The following ORC1 variants were observed in gnomAD, a reference collection of about 807,000 sequenced individuals.
ORC1 encodes origin recognition complex subunit 1.
ORC1 carries 61 observed loss-of-function variants against 98.9 expected under a neutral mutation model. The ratio of observed to expected loss-of-function variants is 0.62; its 90% CI spans 0.50 to 0.76. The LOEUF is 0.76. ORC1 is among the 30% of genes least tolerant of loss of function. The pLI is 0.00. For synonymous variants in ORC1, 385 were observed against 406.9 expected (o/e 0.95, Z 0.65); for missense variants, 979 against 1,072.2 (o/e 0.91, Z 1.21).
upstream of ORC1, among the ~76,000 whole-genome samples, chr1:52,406,690 C>T (rs558876578): frequency 2.6e-5 from 4 of 152,290 alleles, no homozygotes; most frequent in South Asian, 4.1e-4. Context: ...TACCGATTCT[C>T]GAGGAAATCA....
upstream of ORC1, chr1:52,404,926 T>G: frequency 1.2e-6 from 2 of 1,603,996 alleles, no homozygotes; most frequent in Non-Finnish European, 1.7e-6. Flanking sequence ...TGTGGCCCAT[T>G]TCTCCTGACC....
chr1:52,384,469 C>A, intron 11 of ORC1, 81 bp downstream of exon 11: 2 of 1,298,076 alleles, frequency 1.5e-6, no homozygotes, highest in South Asian at 1.2e-5. Flanking sequence ...ATGCAATACA[C>A]GCAAAATTAA....
chr1:52,392,705 T>A (rs543228998), intron 6 of ORC1, among the ~76,000 whole-genome samples: 1 of 152,160 alleles, frequency 6.6e-6, no homozygotes, highest in Non-Finnish European at 1.5e-5. Flanking sequence ...GTGGTACATA[T>A]TTACCATGGA....
At chr1:52,385,484 C>T (rs908131355) in intron 9 of ORC1, among the ~76,000 whole-genome samples, 17 of 152,118 alleles carry the variant, frequency 1.1e-4, no homozygotes, top group African/African-American at 3.6e-4. Flanking sequence ...GACCTCATCC[C>T]ACAGGAGATT....
chr1:52,408,938 T>G, upstream of ORC1: 1 of 354,774 alleles, frequency 2.8e-6, no homozygotes, highest in Non-Finnish European at 5.2e-6. Context: ...ATCCCTGCCT[T>G]GCATCATATG....
At chr1:52,394,249 T>C (rs146001961) in intron 5 of ORC1, among the ~76,000 whole-genome samples, 2 of 152,238 alleles carry the variant, frequency 1.3e-5, no homozygotes, top group East Asian at 1.9e-4. Context: ...AGAAGTGGGG[T>C]TCCTGGGGAC....
chr1:52,378,577 T>C (rs1399535231), intron 14 of ORC1, among the ~76,000 whole-genome samples: 4 of 150,896 alleles, frequency 2.7e-5, no homozygotes, highest in African/African-American at 9.8e-5. Context: ...GGCAGGAGAA[T>C]TGCTTGAACC....
rs202092571 is a variant in ORC1, at chr1:52,375,514, G to A, written c.2219C>T (p.Pro740Leu). Residue 740 changes from proline to leucine, a missense_variant, in exon 15 of 17, where the codon CCT becomes CTT. Physicochemically the swap from Pro to Leu is moderately conservative, Grantham distance 98. Coordinates refer to ENST00000371568, the MANE Select transcript of ORC1 (RefSeq NM_004153.4). ...TEICEFSQQK[P>L]DSPGLVTIAH... ...TATGGTGACCAGGCCAGGGGAGTCA[G>A]GCTTCTGCTGGGAGAACTCACAGAT... 4.3e-6 allele frequency: 7 copies of A among 1,614,116 alleles called. No homozygotes were observed. The highest frequency in any genetic ancestry group is 1.1e-5 in the South Asian group (1 of 91,074).
At chr1:52,379,770 T>C (rs1016000939) in intron 14 of ORC1, among the ~76,000 whole-genome samples, 2 of 151,540 alleles carry the variant, frequency 1.3e-5, no homozygotes, top group Non-Finnish European at 2.9e-5. Context: ...CTGTCTCTAC[T>C]AAAAATACAA....
chr1:52,390,565 C>T lies in ORC1; in HGVS notation c.1083-1244G>A, dbSNP rs1224688791. Among the ~76,000 whole-genome samples, 8 of 151,584 alleles carry T rather than the reference C, an allele frequency of 5.3e-5. 1 individual carries two copies. In the South Asian group the frequency reaches 1.5e-3, roughly 28 times the overall value. On this transcript the variant is annotated intron_variant, in intron 6 of 16. Transcript: ENST00000371568. ...TAATCCCAGCACTTTGGGAGGCCGA[C>T]GTGGGTGGACCACCTAAGGTCTGGA...
chr1:52,401,240 T>C, intron 3 of ORC1, 122 bp downstream of exon 3: 1 of 1,260,278 alleles, frequency 7.9e-7, no homozygotes, highest in South Asian at 1.2e-5. Flanking sequence ...AGCTAGTTCT[T>C]ACGTGATCCC....
In ORC1 at chr1:52,378,321, G is replaced by C. The variant is rs561634198; in HGVS notation, c.2134-2722C>G. Among the ~76,000 whole-genome samples the C allele has an allele frequency of 3.9e-4, 59 of 150,634 alleles. 1 individual carries two copies. The South Asian group carries it at 0.012, about 30-fold the overall frequency. ...GATCGTGCCACTGCACTCCAGCCTG[G>C]GCAACAGAGTGAGACTCCCTCTCAA... On this transcript the variant is annotated intron_variant, in intron 14 of 16. Transcript: ENST00000371568.
intron 14 of ORC1, among the ~76,000 whole-genome samples, chr1:52,377,927 G>A (rs1280417020): frequency 6.6e-6 from 1 of 152,080 alleles, no homozygotes; most frequent in Non-Finnish European, 1.5e-5. Context: ...ATAACTATAG[G>A]ATATAGAATA....
intron 3 of ORC1, among the ~76,000 whole-genome samples, chr1:52,399,738 G>T (rs920455299): frequency 4.0e-5 from 6 of 151,726 alleles, no homozygotes; most frequent in Non-Finnish European, 5.9e-5. Context: ...AACCCAGGAG[G>T]TTGAGGCTGC....
intron 6 of ORC1, among the ~76,000 whole-genome samples, chr1:52,390,795 G>A (rs1469488613): frequency 6.6e-6 from 1 of 151,924 alleles, no homozygotes; most frequent in Non-Finnish European, 1.5e-5. Context: ...GGGAGGCTGA[G>A]GCAGGAGAAT....
chr1:52,407,284 G>C, upstream of ORC1, among the ~76,000 whole-genome samples: 1 of 152,214 alleles, frequency 6.6e-6, no homozygotes, highest in East Asian at 1.9e-4. Flanking sequence ...CCAAAGTGCT[G>C]GGATTAGAGG....
Position 52,387,962 on chromosome 1 carries a change from C to T in ORC1, c.1383+480G>A, listed in dbSNP as rs979571198. ...ATCTGAATACCTTTTCAGTGTTCTG[C>T]TAAAGTTCCACAGGAAGCAGAAAAG... On this transcript the variant is annotated intron_variant, in intron 8 of 16. Transcript: ENST00000371568. Among the ~76,000 whole-genome samples, 9 of 152,216 alleles carry T rather than the reference C, an allele frequency of 5.9e-5. No homozygotes were observed. In the East Asian group the frequency reaches 1.5e-3, roughly 26 times the overall value.
At chr1:52,404,872 A>C (rs200651968), upstream of ORC1, 45 of 1,613,726 alleles carry the variant, frequency 2.8e-5, no homozygotes, top group Admixed American at 5.0e-5. Context: ...AGTGCTTTGG[A>C]CTTACAGGTA....
intron 13 of ORC1, 107 bp from the exon 14 acceptor site, chr1:52,381,868 C>T: frequency 1.8e-6 from 2 of 1,091,108 alleles, no homozygotes; most frequent in Non-Finnish European, 2.8e-6. Flanking sequence ...TCCCATATAA[C>T]AAATTACACA....
Sources: gnomAD v4.1 joint callset for allele counts (sites outside exome capture counted in the v4.1 genomes callset) on GRCh38, gnomAD v4.1.1 for gene constraint, MANE v1.5 for transcripts, NCBI Gene and HGNC (gene_info 2026-07-23, HGNC 2026-07-21) for gene names.